Variants in PLEKHM2 observed in about 807,000 individuals in gnomAD.
PLEKHM2 encodes pleckstrin homology domain-containing family M member 2.
In PLEKHM2, 77 loss-of-function variants were observed where a neutral mutation model predicts 116.3. The observed-to-expected ratio is 0.66, with a 90% CI of 0.55 to 0.80. PLEKHM2 has a LOEUF of 0.80. Among genes scored for constraint, PLEKHM2 ranks in the 30% least tolerant of loss-of-function variants. The probability of loss-of-function intolerance (pLI) is 0.00; values close to 1 mark genes in which losing one functional copy is unlikely to be tolerated. For missense variants in PLEKHM2, 1,183 were observed against 1,354.9 expected, an observed-to-expected ratio of 0.87 and a Z score of 1.99; for synonymous variants, 562 against 571.0, an observed-to-expected ratio of 0.98 and a Z score of 0.22.
chr1:15,727,628 A>T lies in PLEKHM2; in HGVS notation c.1556A>T (p.Asp519Val). ...GEGQTPRPLE[D>V]TTREAQELEA... ...GGACAGACGCCTCGGCCCCTAGAGG[A>T]TACCACGAGGGAGGCTCAGGAGCTG... is the stretch of plus-strand genomic sequence containing the variant. Residue 519 changes from aspartate to valine, a missense_variant, in exon 9 of 20, where the codon GAT (aspartate) becomes GTT (valine). Physicochemically the swap from Asp to Val is radical, Grantham distance 152. This residue lies in a region of PLEKHM2 where 594 missense variants were observed against 720.1 expected (regional missense o/e 0.82). Transcript: ENST00000375799. This position sits in a 1 kb window ranked among gnomAD's most constrained non-coding sequence, Gnocchi z 7.5. 6.3e-7 allele frequency: 1 copy of T among 1,591,112 alleles called. No homozygotes were observed.
chr1:15,708,623 A>G (rs769154527), intron 1 of PLEKHM2, among the ~76,000 whole-genome samples: 2 of 152,014 alleles, frequency 1.3e-5, no homozygotes, highest in Admixed American at 1.3e-4. Flanking sequence ...GGGTCTTGCT[A>G]TATTGCCCAG....
At chr1:15,715,567 G>A (rs1430721807) in intron 1 of PLEKHM2, among the ~76,000 whole-genome samples, 4 of 152,178 alleles carry the variant, frequency 2.6e-5, no homozygotes, top group African/African-American at 9.7e-5. Context: ...CTTGAACCCA[G>A]GAGGCGGAGG....
chr1:15,697,797 A>C (rs1041112296), intron 1 of PLEKHM2, among the ~76,000 whole-genome samples: 1 of 146,708 alleles, frequency 6.8e-6, no homozygotes, highest in African/African-American at 2.5e-5. Context: ...TGCCCAGCTA[A>C]TTTTTTTTTT....
chr1:15,695,723 G>T (rs1305509567), intron 1 of PLEKHM2, among the ~76,000 whole-genome samples: 1 of 152,014 alleles, frequency 6.6e-6, no homozygotes, highest in Non-Finnish European at 1.5e-5. Flanking sequence ...TGTTGGCCAG[G>T]CTGGTCTCCA....
intron 1 of PLEKHM2, among the ~76,000 whole-genome samples, chr1:15,697,068 A>C (rs1641013303): frequency 6.6e-6 from 1 of 152,176 alleles, no homozygotes; most frequent in Non-Finnish European, 1.5e-5. Context: ...GTGTAGGCAC[A>C]GGAGAGGAAA....
At chr1:15,695,738 A>G (rs1276449973) in intron 1 of PLEKHM2, among the ~76,000 whole-genome samples, 1 of 151,938 alleles carries the variant, frequency 6.6e-6, no homozygotes, top group Non-Finnish European at 1.5e-5. Flanking sequence ...TCTCCAACTC[A>G]GGTGATCTGC....
intron 1 of PLEKHM2, among the ~76,000 whole-genome samples, chr1:15,712,818 C>CTTATTT (rs1413110841): frequency 6.6e-6 from 1 of 151,104 alleles, no homozygotes; most frequent in African/African-American, 2.4e-5. Flanking sequence ...GCCTAGCTAG[C>CTTATTT]TTATTTTTAT....
chr1:15,710,206 G>A (rs1339611594), intron 1 of PLEKHM2, among the ~76,000 whole-genome samples: 1 of 139,138 alleles, frequency 7.2e-6, no homozygotes, highest in African/African-American at 2.7e-5. Flanking sequence ...CAGCCTGGGC[G>A]ACAGAGCGAG....
At chr1:15,723,810 C>G (rs1163901553) in intron 7 of PLEKHM2, among the ~76,000 whole-genome samples, 1 of 151,460 alleles carries the variant, frequency 6.6e-6, no homozygotes, top group Non-Finnish European at 1.5e-5. Flanking sequence ...CCTGTGGCTT[C>G]CAAGGGCACT....
upstream of PLEKHM2, among the ~76,000 whole-genome samples, chr1:15,683,336 GGGGA>G (rs1275886681): frequency 6.6e-6 from 1 of 152,036 alleles, no homozygotes; most frequent in Non-Finnish European, 1.5e-5. Context: ...GGCTAAGGAA[GGGGA>G]GGAAGATAAG....
intron 1 of PLEKHM2, among the ~76,000 whole-genome samples, chr1:15,709,334 T>C (rs1453638421): frequency 6.6e-6 from 1 of 152,224 alleles, no homozygotes; most frequent in Non-Finnish European, 1.5e-5. Context: ...TTTGCTTTCC[T>C]TCCACTCCTG....
chr1:15,724,860 A>G (rs528795516), intron 7 of PLEKHM2, among the ~76,000 whole-genome samples: 44 of 152,132 alleles, frequency 2.9e-4, no homozygotes, highest in Admixed American at 7.9e-4. Context: ...CAGCCCTACA[A>G]GTGGGGTATG....
intron 1 of PLEKHM2, among the ~76,000 whole-genome samples, chr1:15,710,541 G>A (rs573039279): frequency 5.9e-5 from 9 of 151,978 alleles, no homozygotes; most frequent in African/African-American, 1.9e-4. Flanking sequence ...TGGCCAGGCT[G>A]GTCTCAAACT....
intron 14 of PLEKHM2, 143 bp from the exon 15 acceptor site, chr1:15,730,389 T>C (rs541610668): frequency 1.6e-6 from 1 of 610,910 alleles, no homozygotes; most frequent in African/African-American, 1.9e-5. Flanking sequence ...TTGCAGTGAG[T>C]GGAGATCACA....
intron 1 of PLEKHM2, among the ~76,000 whole-genome samples, chr1:15,698,684 A>T (rs568035754): frequency 1.3e-3 from 202 of 151,042 alleles, no homozygotes; most frequent in African/African-American, 4.7e-3. Context: ...AGTAGCTGGG[A>T]TTACAGGTGC....
chr1:15,725,486 G>A lies in PLEKHM2; in HGVS notation c.882G>A (p.Glu294=). 6.3e-7 allele frequency: 1 copy of A among 1,581,752 alleles called. No individual in the cohort carries two copies. The highest frequency in any genetic ancestry group is 2.3e-5 in the East Asian group (1 of 42,594). The part of the protein sequence containing the change: ...DTTPVHTTSQ[E]KEEAQALDPP... ...CCCCCGTGCACACCACCTCTCAGGA[G>A]AAGGAGGAGGCCCAGGCCCTGGACC... The change falls in exon 8 of 20, where the codon GAG becomes GAA. Residue 294 remains glutamate, a synonymous_variant. Transcript: ENST00000375799.
chr1:15,717,553 CTT>C (rs758025401), intron 3 of PLEKHM2, among the ~76,000 whole-genome samples: 2 of 152,220 alleles, frequency 1.3e-5, no homozygotes, highest in East Asian at 3.8e-4. Flanking sequence ...GAGCTGGACT[CTT>C]ATGGAATCCC....
rs747333897 is a variant in PLEKHM2, at chr1:15,728,274, G to A, written c.1838G>A (p.Arg613Gln). The change falls in exon 11 of 20, where the codon CGG becomes CAG. Residue 613 changes from arginine to glutamine, a missense_variant. By Grantham distance (43) the Arg-to-Gln change is conservative. Around this residue, in one of 3 missense-constraint regions of PLEKHM2, gnomAD observed 594 missense variants for 720.1 expected, o/e 0.82. Coordinates refer to ENST00000375799, the MANE Select transcript of PLEKHM2 (RefSeq NM_015164.4). The surrounding 1 kb of genome is among the most constrained non-coding windows in gnomAD (Gnocchi z 5.9). Reference sequence around the variant, plus strand: ...GTCTGCTTCGGCCCCCAGATGATCCGGATGAGCACCGGGCACATGGAGGGC... The same window carrying A: ...GTCTGCTTCGGCCCCCAGATGATCCAGATGAGCACCGGGCACATGGAGGGC... ...ENEEQLFKMIRMSTGHMEGNL... is the reference protein window; with the variant it reads ...ENEEQLFKMIQMSTGHMEGNL... 11 of 1,613,166 alleles carry A rather than the reference G, an allele frequency of 6.8e-6. No homozygotes were observed. Among genetic ancestry groups the A allele is most frequent in the East Asian group, 4.5e-5 (2 of 44,892 alleles).
At chr1:15,725,938 T>G in intron 8 of PLEKHM2, 1 of 204,314 alleles carries the variant, frequency 4.9e-6, no homozygotes. Flanking sequence ...GCTGATCCCA[T>G]TCCTGAGGAT....
Sources: gnomAD v4.1 joint callset for allele counts (sites outside exome capture counted in the v4.1 genomes callset) on GRCh38, gnomAD v4.1.1 for gene constraint, gnomAD v4.1.1 regional missense constraint, Gnocchi (gnomAD v3.1) non-coding constraint, MANE v1.5 for transcripts, NCBI Gene and HGNC (gene_info 2026-07-23, HGNC 2026-07-21) for gene names.